ARHGAP32: variants seen among roughly 807,000 people sequenced by gnomAD.
The protein encoded by ARHGAP32 is Rho GTPase activating protein 32.
A neutral mutation model predicts 186.5 loss-of-function variants in ARHGAP32; 51 were observed. That is an observed-to-expected ratio of 0.27 (90% CI 0.22 to 0.35). The LOEUF is 0.35. Among genes scored for constraint, ARHGAP32 ranks in the 10% least tolerant of loss-of-function variants. The probability of loss-of-function intolerance (pLI) is 1.00; values close to 1 mark genes in which losing one functional copy is unlikely to be tolerated. For missense variants in ARHGAP32, 2,186 were observed against 2,623.5 expected, an observed-to-expected ratio of 0.83 and a Z score of 3.64; for synonymous variants, 950 against 964.3, an observed-to-expected ratio of 0.99 and a Z score of 0.27.
At chr11:129,161,738 C>T (rs1007523579) in intron 2 of ARHGAP32, among the ~76,000 whole-genome samples, 10 of 152,130 alleles carry the variant, frequency 6.6e-5, no homozygotes, top group Admixed American at 6.6e-4. Context: ...GACAGTGCGG[C>T]GATTCCTCAA....
In ARHGAP32 at chr11:129,232,023, C is replaced by CAAAA. The variant is rs71057935; in HGVS notation, c.-5+47119_-5+47122dup. Among the ~76,000 whole-genome samples the CAAAA allele has an allele frequency of 9.5e-4, 61 of 64,544 alleles. 4 individuals carry two copies. The highest frequency in any genetic ancestry group is 3.3e-3 in the African/African-American group (55 of 16,730). 42.3% of individuals were successfully genotyped at this position (64,544 alleles called of 152,430 possible). On this transcript the variant is annotated intron_variant, in intron 1 of 6. Transcript: ENST00000525234. ...CCTAGGTGACAAAGTGAGACGGACT[C>CAAAA]AAAAAAAAAAAAAAAAAAAAAAAAA...
intron 1 of ARHGAP32, among the ~76,000 whole-genome samples, chr11:129,245,406 A>C (rs1045696110): frequency 6.7e-6 from 1 of 149,136 alleles, no homozygotes; most frequent in African/African-American, 2.5e-5. Context: ...CAATGAGATC[A>C]CATGGACACA....
chr11:129,200,985 C>A (rs1352735485), intron 1 of ARHGAP32, among the ~76,000 whole-genome samples: 1 of 152,018 alleles, frequency 6.6e-6, no homozygotes, highest in Admixed American at 6.5e-5. Flanking sequence ...CCCTATTAAG[C>A]CAGTAAGTTA....
intron 1 of ARHGAP32, among the ~76,000 whole-genome samples, chr11:129,170,210 C>CA (rs145498329): frequency 0.15 from 18,122 of 121,626 alleles, 1,237 homozygotes; most frequent in Middle Eastern, 0.2. Flanking sequence ...TTAATTTCTT[C>CA]AAAAAAAAAA....
chr11:128,982,891 TAAAAAAAAAAAA>T (rs34630708), intron 15 of ARHGAP32, among the ~76,000 whole-genome samples: 4 of 66,408 alleles, frequency 6.0e-5, no homozygotes, highest in Non-Finnish European at 8.2e-5. Flanking sequence ...ACCTTGTCTT[TAAAAAAAAAAAA>T]AAAAAAAAAA....
intron 11 of ARHGAP32, among the ~76,000 whole-genome samples, chr11:129,017,265 C>T (rs1395558429): frequency 6.6e-6 from 1 of 151,982 alleles, no homozygotes; most frequent in East Asian, 1.9e-4. Flanking sequence ...ACCAGCCTGG[C>T]CAACATGGCG....
chr11:128,970,326 T>C lies in ARHGAP32; in HGVS notation c.4887A>G (p.Arg1629=), dbSNP rs146744767. 1,195 of 1,613,850 alleles carry C rather than the reference T, an allele frequency of 7.4e-4. 3 individuals are homozygous for C. The highest frequency in any genetic ancestry group is 9.9e-4 in the Middle Eastern group (6 of 6,062). ...PPDDEPAYCP[R]PLYQYKPYQS... is the part of the protein sequence containing the mutation. ...GATATGGCTTATATTGGTACAGAGG[T>C]CTTGGGCAGTAGGCTGGCTCATCAT... The change falls in exon 23 of 23, where the codon AGA becomes AGG. Residue 1629 remains arginine (R), a synonymous_variant. Coordinates refer to ENST00000682385, the MANE Select transcript of ARHGAP32 (RefSeq NM_001378024.1). The surrounding 1 kb of genome is among the most constrained non-coding windows in gnomAD (Gnocchi z 5.8).
chr11:129,147,526 G>T (rs1156611837), intron 2 of ARHGAP32, among the ~76,000 whole-genome samples: 3 of 152,146 alleles, frequency 2.0e-5, no homozygotes, highest in African/African-American at 4.8e-5. Context: ...ATAGGCGTAT[G>T]GGATTTTGTT....
At chr11:129,264,744 G>T (rs1478608095) in intron 1 of ARHGAP32, among the ~76,000 whole-genome samples, 1 of 152,096 alleles carries the variant, frequency 6.6e-6, no homozygotes, top group Non-Finnish European at 1.5e-5. Flanking sequence ...AGATCAAAGG[G>T]ACATAAAATC....
At chr11:129,251,600 A>G (rs940391759) in intron 1 of ARHGAP32, among the ~76,000 whole-genome samples, 5 of 152,040 alleles carry the variant, frequency 3.3e-5, no homozygotes. Flanking sequence ...CACATTTATC[A>G]AAGAAATAAA....
chr11:129,223,545 A>G (rs1194404104), intron 1 of ARHGAP32, among the ~76,000 whole-genome samples: 3 of 152,176 alleles, frequency 2.0e-5, no homozygotes, highest in Admixed American at 6.6e-5. Flanking sequence ...TCAAGATATA[A>G]TCTTGGCATA....
chr11:129,131,460 T>C lies in ARHGAP32; in HGVS notation c.226-6566A>G, dbSNP rs143735842. On this transcript the variant is annotated intron_variant, in intron 2 of 22. Coordinates refer to ENST00000682385, the MANE Select transcript of ARHGAP32 (RefSeq NM_001378024.1). ...AAAAGAATGATGTCTTTCACACTCA[T>C]TTTATAATACCAGTTAACCACAGAT... Among the ~76,000 whole-genome samples the C allele has an allele frequency of 4.2e-3, 635 of 152,302 alleles. 9 individuals are homozygous for C. The highest frequency in any genetic ancestry group is 0.014 in the African/African-American group (595 of 41,554).
intron 1 of ARHGAP32, among the ~76,000 whole-genome samples, chr11:129,232,844 A>G (rs1288241969): frequency 6.6e-6 from 1 of 152,088 alleles, no homozygotes; most frequent in Admixed American, 6.6e-5. Flanking sequence ...TCATGCCTCC[A>G]ATCTCTCTGA....
At chr11:129,197,602 T>A (rs1944409430) in intron 1 of ARHGAP32, among the ~76,000 whole-genome samples, 1 of 152,184 alleles carries the variant, frequency 6.6e-6, no homozygotes, top group Admixed American at 6.5e-5. Flanking sequence ...GTGCTCTGTG[T>A]AATATATATG....
At chr11:129,165,545 G>A (rs879100214) in intron 1 of ARHGAP32, among the ~76,000 whole-genome samples, 27 of 147,568 alleles carry the variant, frequency 1.8e-4, no homozygotes, top group Middle Eastern at 3.4e-3. Context: ...CAAATCTTTC[G>A]TTCACATTAT....
Position 129,040,941 on chromosome 11 carries a change from T to C in ARHGAP32, c.1032A>G (p.Ser344=), listed in dbSNP as rs774267667. 1.2e-5 allele frequency: 20 copies of C among 1,605,574 alleles called. 1 individual carries two copies. In the Admixed American group the frequency reaches 3.0e-4, roughly 24 times the overall value. ...AAGTGTACTCACCTGGTTTTGGCAC[T>C]GAGTTGGTCACTGACTGGGGAACTT... ...NQKVPQSVTN[S]VPKPVSKKHG... is the part of the protein sequence containing the mutation. The change falls in exon 11 of 23, where the codon TCA becomes TCG. Residue 344 remains serine (S), a synonymous_variant. Coordinates refer to ENST00000682385, the MANE Select transcript of ARHGAP32 (RefSeq NM_001378024.1).
intron 6 of ARHGAP32, among the ~76,000 whole-genome samples, chr11:129,092,247 T>C (rs976499581): frequency 7.2e-5 from 11 of 151,952 alleles, no homozygotes; most frequent in Admixed American, 2.6e-4. Context: ...TTTTATTTTT[T>C]TCATGTTATG....
chr11:129,091,580 T>C (rs1941578740), intron 6 of ARHGAP32, among the ~76,000 whole-genome samples: 1 of 152,020 alleles, frequency 6.6e-6, no homozygotes, highest in African/African-American at 2.4e-5. Flanking sequence ...AAAAAGAACA[T>C]CAAGTGATAT....
At chr11:129,108,441 T>C (rs1225584070) in intron 5 of ARHGAP32, among the ~76,000 whole-genome samples, 2 of 152,046 alleles carry the variant, frequency 1.3e-5, no homozygotes, top group Non-Finnish European at 2.9e-5. Flanking sequence ...ATAACAATTA[T>C]AAACATGGAG....
Sources: allele counts gnomAD v4.1 joint callset (sites outside exome capture counted in the v4.1 genomes callset), GRCh38; gene constraint gnomAD v4.1.1; non-coding constraint Gnocchi (gnomAD v3.1); transcripts MANE v1.5; gene names NCBI Gene and HGNC (gene_info 2026-07-23, HGNC 2026-07-21).